The following ARSK variants were observed in gnomAD, a reference collection of about 807,000 sequenced individuals.
The protein encoded by ARSK is arylsulfatase family member K, also known as arylsulfatase K.
A neutral mutation model predicts 53.2 loss-of-function variants in ARSK; 37 were observed. The ratio of observed to expected loss-of-function variants is 0.70; its 90% CI spans 0.54 to 0.92. The LOEUF (loss-of-function observed/expected upper bound fraction) is 0.92, where lower values mean the gene tolerates loss of function less well. Among genes scored for constraint, ARSK ranks in the 40% least tolerant of loss-of-function variants. The pLI is 0.00. For synonymous variants in ARSK, 208 were observed against 223.2 expected (o/e 0.93, Z 0.61); for missense variants, 613 against 643.0 (o/e 0.95, Z 0.51).
intron 1 of ARSK, among the ~76,000 whole-genome samples, chr5:95,563,318 A>C (rs1424010181): frequency 6.6e-6 from 1 of 152,240 alleles, no homozygotes; most frequent in Non-Finnish European, 1.5e-5. Context: ...GCAAAAATAC[A>C]CTGTTGAATT....
chr5:95,575,537 T>C (rs554288195), intron 3 of ARSK, among the ~76,000 whole-genome samples: 15 of 152,238 alleles, frequency 9.9e-5, no homozygotes, highest in Non-Finnish European at 1.8e-4. Flanking sequence ...TTTTATGTCT[T>C]CTCAATTGCT....
Position 95,555,143 on chromosome 5 carries a change from A to C in ARSK, c.-136A>C. 1 of 699,724 alleles carries C rather than the reference A, an allele frequency of 1.4e-6. No individual in the cohort carries two copies. The highest frequency in any genetic ancestry group is 1.6e-5 in the South Asian group (1 of 62,506). 43.3% of individuals were successfully genotyped at this position (699,724 alleles called of 1,614,324 possible). On this transcript the variant is annotated 5_prime_UTR_variant, in exon 1 of 8. Coordinates refer to ENST00000380009, the MANE Select transcript of ARSK (RefSeq NM_198150.3). The surrounding 1 kb of genome is among the most constrained non-coding windows in gnomAD (Gnocchi z 4.0). ...GATAGGAGTTGTAGTTCTGCGGGTG[A>C]AGCTCGGCGTTACTATCAAGCAACC...
intron 5 of ARSK, among the ~76,000 whole-genome samples, chr5:95,587,545 A>G (rs1749140810): frequency 6.6e-6 from 1 of 152,218 alleles, no homozygotes; most frequent in South Asian, 2.1e-4. Context: ...TAAAAATAGA[A>G]AAGTATACAG....
At chr5:95,581,411 C>T (rs1004557750) in intron 3 of ARSK, among the ~76,000 whole-genome samples, 3 of 152,160 alleles carry the variant, frequency 2.0e-5, no homozygotes, top group African/African-American at 4.8e-5. Flanking sequence ...GGTCTAGACT[C>T]GCTCATGGTC....
chr5:95,574,031 T>A lies in ARSK; in HGVS notation c.416+5982T>A, dbSNP rs867148299. Among the ~76,000 whole-genome samples the A allele has an allele frequency of 3.4e-4, 52 of 152,296 alleles. No individual in the cohort carries two copies. The Middle Eastern group carries it at 0.01, about 30-fold the overall frequency. On this transcript the variant is annotated intron_variant, in intron 3 of 7. Coordinates refer to ENST00000380009, the MANE Select transcript of ARSK (RefSeq NM_198150.3). ...CACCCCAACTATTCTGCCCAGCTTT[T>A]GGTAAACCATCATTCTGCTTCGATT...
At chr5:95,571,384 T>C (rs938613248) in intron 3 of ARSK, among the ~76,000 whole-genome samples, 2 of 152,220 alleles carry the variant, frequency 1.3e-5, no homozygotes, top group African/African-American at 4.8e-5. Context: ...TGCCAGTACA[T>C]TGTAGGTTCA....
rs1580235511 is a variant in ARSK, at chr5:95,604,299, G to C, written c.*773G>C. 1 of 152,064 alleles carries C rather than the reference G, an allele frequency of 6.6e-6. No individual in the cohort carries two copies. The highest frequency in any genetic ancestry group is 2.1e-4 in the South Asian group (1 of 4,810). 9.4% of individuals were successfully genotyped at this position (152,064 alleles called of 1,614,324 possible). A position where few individuals can be genotyped will look rare whatever the true frequency, so the allele number is the denominator to read the frequency against. Reference sequence around the variant, plus strand: ...TTTTGTTACTGTTTTATTTTAATAGGTAATATATATACAGGGTAAAAGCTT... The same window carrying C: ...TTTTGTTACTGTTTTATTTTAATAGCTAATATATATACAGGGTAAAAGCTT... On this transcript the variant is annotated 3_prime_UTR_variant, in exon 8 of 8. Coordinates refer to ENST00000380009, the MANE Select transcript of ARSK (RefSeq NM_198150.3).
chr5:95,590,294 G>A (rs1749190084), intron 5 of ARSK, among the ~76,000 whole-genome samples: 2 of 152,308 alleles, frequency 1.3e-5, no homozygotes, highest in Admixed American at 1.3e-4. Flanking sequence ...AATATGGTGT[G>A]TGTTTAGGAG....
At chr5:95,597,359 CA>C (rs1219922057) in intron 6 of ARSK, among the ~76,000 whole-genome samples, 1 of 152,148 alleles carries the variant, frequency 6.6e-6, no homozygotes, top group Non-Finnish European at 1.5e-5. Context: ...CTTCTTGTTA[CA>C]GGACCTTAGT....
intron 1 of ARSK, among the ~76,000 whole-genome samples, chr5:95,563,965 G>A (rs1748680861): frequency 6.6e-6 from 1 of 150,782 alleles, no homozygotes; most frequent in Non-Finnish European, 1.5e-5. Context: ...ATGAGGGAGG[G>A]CTATGCACTT....
intron 3 of ARSK, among the ~76,000 whole-genome samples, chr5:95,571,635 G>T (rs1056978148): frequency 6.6e-6 from 1 of 152,168 alleles, no homozygotes; most frequent in Non-Finnish European, 1.5e-5. Context: ...AAAACACTTA[G>T]ATGTTGATGT....
chr5:95,563,542 A>G (rs958704415), intron 1 of ARSK, among the ~76,000 whole-genome samples: 2 of 152,234 alleles, frequency 1.3e-5, no homozygotes, highest in East Asian at 3.8e-4. Flanking sequence ...CTCTGCCACT[A>G]TATTTCAAAG....
chr5:95,585,664 G>A (rs991690980), intron 4 of ARSK, among the ~76,000 whole-genome samples: 2 of 152,130 alleles, frequency 1.3e-5, no homozygotes, highest in Non-Finnish European at 2.9e-5. Context: ...ACTGGTTGGG[G>A]GAAGGTGGAT....
chr5:95,570,230 C>G (rs183902742), intron 3 of ARSK, among the ~76,000 whole-genome samples: 49 of 152,280 alleles, frequency 3.2e-4, no homozygotes, highest in Non-Finnish European at 5.1e-4. Context: ...ATGATCTAGC[C>G]CCTGTCTACC....
At chr5:95,602,690 G>T (rs1020481870) in intron 7 of ARSK, among the ~76,000 whole-genome samples, 1 of 152,088 alleles carries the variant, frequency 6.6e-6, no homozygotes, top group Non-Finnish European at 1.5e-5. Flanking sequence ...TTTTCTTGCT[G>T]GCAGTGATTG....
At chr5:95,558,423 G>A (rs1172588239) in intron 1 of ARSK, among the ~76,000 whole-genome samples, 1 of 152,026 alleles carries the variant, frequency 6.6e-6, no homozygotes, top group Non-Finnish European at 1.5e-5. Flanking sequence ...AAATCAATGA[G>A]ACCAAAAATT....
chr5:95,598,003 A>G (rs1005792128), intron 6 of ARSK, among the ~76,000 whole-genome samples: 2 of 152,236 alleles, frequency 1.3e-5, no homozygotes, highest in East Asian at 3.9e-4. Context: ...AATATGTTTA[A>G]TTCTTCTTAG....
chr5:95,563,728 C>T (rs1226598235), intron 1 of ARSK, among the ~76,000 whole-genome samples: 5 of 152,114 alleles, frequency 3.3e-5, no homozygotes, highest in Non-Finnish European at 7.4e-5. Context: ...GACTTGGAGT[C>T]CAAATCCCAA....
At chr5:95,559,797 AG>A (rs1561359356) in intron 1 of ARSK, among the ~76,000 whole-genome samples, 2 of 152,242 alleles carry the variant, frequency 1.3e-5, no homozygotes, top group Non-Finnish European at 2.9e-5. Flanking sequence ...GAAGAAGACA[AG>A]GATGTGTGTT....
Sources: gnomAD v4.1 joint callset for allele counts (sites outside exome capture counted in the v4.1 genomes callset) on GRCh38, gnomAD v4.1.1 for gene constraint, Gnocchi (gnomAD v3.1) non-coding constraint, MANE v1.5 for transcripts, NCBI Gene and HGNC (gene_info 2026-07-23, HGNC 2026-07-21) for gene names.